NHSL2: variants seen among roughly 807,000 people sequenced by gnomAD.
NHSL2 encodes NHS-like protein 2.
Under a neutral mutation model 53.4 loss-of-function variants are expected in NHSL2, and 27 were observed. The ratio of observed to expected loss-of-function variants is 0.51; its 90% CI spans 0.37 to 0.70. The LOEUF is 0.70. NHSL2 is among the 30% of genes least tolerant of loss of function. The probability of loss-of-function intolerance (pLI) is 0.00; values close to 1 mark genes in which losing one functional copy is unlikely to be tolerated. For synonymous variants in NHSL2, 408 were observed against 404.1 expected (o/e 1.01, Z -0.12); for missense variants, 892 against 980.1 (o/e 0.91, Z 1.20).
intron 1 of NHSL2, among the ~76,000 whole-genome samples, chrX:71,979,059 G>A (rs1358239863): frequency 9.1e-6 from 1 of 109,724 alleles, no homozygotes; most frequent in African/African-American, 3.3e-5. Context: ...ATGGTTTCCA[G>A]CTTCATCCAT....
intron 1 of NHSL2, among the ~76,000 whole-genome samples, chrX:72,091,224 C>T (rs2041894597): frequency 1.8e-5 from 2 of 112,003 alleles, no homozygotes; most frequent in Admixed American, 9.4e-5. Flanking sequence ...GAGGCCGAGA[C>T]GGGTGGATCA....
intron 1 of NHSL2, among the ~76,000 whole-genome samples, chrX:71,921,434 A>AG (rs1391326236): frequency 9.1e-5 from 10 of 109,770 alleles, no homozygotes; most frequent in African/African-American, 2.0e-4. Context: ...AAAAAAAAAA[A>AG]AGAGAGAGAG....
At chrX:72,004,657 G>A in intron 1 of NHSL2, among the ~76,000 whole-genome samples, 1 of 110,029 alleles carries the variant, frequency 9.1e-6, no homozygotes. Context: ...ATTCACACCA[G>A]AACCACCCCC....
chrX:71,947,065 C>T (rs780874543), intron 1 of NHSL2, among the ~76,000 whole-genome samples: 3 of 112,288 alleles, frequency 2.7e-5, no homozygotes, highest in South Asian at 3.7e-4. Context: ...CCTCCATCCT[C>T]AGCTGCGCAC....
chrX:71,949,749 C>T (rs1438380582), intron 1 of NHSL2, among the ~76,000 whole-genome samples: 1 of 112,980 alleles, frequency 8.9e-6, no homozygotes, highest in Admixed American at 9.3e-5. Context: ...AGGAATCACT[C>T]AGCTCTGTGT....
chrX:71,999,272 T>C (rs758666976), intron 1 of NHSL2, among the ~76,000 whole-genome samples: 3 of 112,542 alleles, frequency 2.7e-5, no homozygotes, highest in East Asian at 5.6e-4. Context: ...GCAAGGACTG[T>C]GTTTTGGTCA....
At chrX:72,027,868 T>G (rs1207106653) in intron 1 of NHSL2, among the ~76,000 whole-genome samples, 1 of 110,272 alleles carries the variant, frequency 9.1e-6, no homozygotes, top group Middle Eastern at 4.2e-3. Flanking sequence ...GGTTTTGTAT[T>G]AAGGGTCAGA....
chrX:71,964,878 T>C (rs760662143), intron 1 of NHSL2, among the ~76,000 whole-genome samples: 1 of 112,254 alleles, frequency 8.9e-6, no homozygotes, highest in East Asian at 2.8e-4. Flanking sequence ...TATTAACTAT[T>C]TTTTTTCATG....
In NHSL2 at chrX:72,143,583, C is replaced by T; in HGVS notation, c.*9C>T. 1.8e-6 allele frequency: 2 copies of T among 1,097,351 alleles called. No homozygotes were observed. The highest frequency in any genetic ancestry group is 2.4e-6 in the Non-Finnish European group (2 of 821,780). 90.4% of individuals were successfully genotyped at this position (1,097,351 alleles called of 1,213,427 possible). On this transcript the variant is annotated 3_prime_UTR_variant, in exon 8 of 8. Coordinates refer to ENST00000633930, the MANE Select transcript of NHSL2 (RefSeq NM_001013627.3). ...ATAACCCCAGTACCTAAGCCCTGGG[C>T]TCAACAAGCAGGGTTTACTTACTAA...
chrX:71,986,496 G>C (rs2042003449), intron 1 of NHSL2, among the ~76,000 whole-genome samples: 1 of 111,563 alleles, frequency 9.0e-6, no homozygotes, highest in Non-Finnish European at 1.9e-5. Context: ...CTTTTTCCCT[G>C]CCATTTATCC....
chrX:71,911,200 G>A lies in NHSL2; in HGVS notation c.113G>A (p.Arg38Gln). ...VSHLAALSLL[R>Q]QLADLCGHSL... Reference sequence around the variant, plus strand: ...CACCTGGCAGCGCTCAGCCTGCTCCGGCAGCTCGCCGACCTCTGTGGCCAC... The same window carrying A: ...CACCTGGCAGCGCTCAGCCTGCTCCAGCAGCTCGCCGACCTCTGTGGCCAC... The change falls in exon 1 of 8, where the codon CGG becomes CAG. Residue 38 changes from arginine to glutamine, a missense_variant. Transcript: ENST00000633930. The A allele has an allele frequency of 2.6e-6, 3 of 1,146,119 alleles. No individual in the cohort carries two copies. Among genetic ancestry groups the A allele is most frequent in the Non-Finnish European group, 3.5e-6 (3 of 868,103 alleles). 94.5% of individuals were successfully genotyped at this position (1,146,119 alleles called of 1,213,427 possible).
chrX:71,947,295 C>T (rs1161361187), intron 1 of NHSL2, among the ~76,000 whole-genome samples: 3 of 112,087 alleles, frequency 2.7e-5, no homozygotes, highest in African/African-American at 9.7e-5. Context: ...ACTCTTGGCT[C>T]CTCCTAGAAA....
intron 1 of NHSL2, among the ~76,000 whole-genome samples, chrX:71,960,824 G>A (rs1032746416): frequency 1.8e-5 from 2 of 112,252 alleles, no homozygotes; most frequent in Non-Finnish European, 3.8e-5. Context: ...TCTTCCAACT[G>A]TGCTCTTCTT....
intron 1 of NHSL2, chrX:72,129,221 A>T (rs934718589): frequency 3.5e-5 from 4 of 113,308 alleles, no homozygotes; most frequent in South Asian, 7.1e-4. Flanking sequence ...GGCTTTGCAC[A>T]CTCTCACTGG....
chrX:71,926,942 A>G (rs1326019487), intron 1 of NHSL2, among the ~76,000 whole-genome samples: 1 of 111,202 alleles, frequency 9.0e-6, no homozygotes, highest in Non-Finnish European at 1.9e-5. Context: ...CTCCCTTTGT[A>G]AAATGAGAGA....
intron 1 of NHSL2, among the ~76,000 whole-genome samples, chrX:72,069,916 G>T (rs1339226499): frequency 8.9e-6 from 1 of 111,906 alleles, no homozygotes; most frequent in Non-Finnish European, 1.9e-5. Context: ...CCCTGCTCCT[G>T]TGACAGGCTG....
At chrX:72,141,525 A>G (rs1001920628) in intron 6 of NHSL2, among the ~76,000 whole-genome samples, 34 of 111,874 alleles carry the variant, frequency 3.0e-4, no homozygotes, top group Non-Finnish European at 3.9e-4. Flanking sequence ...CTCTGTACCC[A>G]GTAAACAACA....
rs373883242 is a variant in NHSL2, at chrX:72,151,183, AT to A, written c.*7623del. 0.023 allele frequency: 2,287 copies of A among 99,474 alleles called. 65 individuals carry two copies. The highest frequency in any genetic ancestry group is 0.069 in the African/African-American group (1,898 of 27,372). The allele number at this position is 99,474 out of a possible 1,213,427, so 8.2% of individuals were successfully genotyped here. A position where few individuals can be genotyped will look rare whatever the true frequency, so the allele number is the denominator to read the frequency against. On this transcript the variant is annotated 3_prime_UTR_variant, in exon 8 of 8. Coordinates refer to ENST00000633930, the MANE Select transcript of NHSL2 (RefSeq NM_001013627.3). ...GTGCGTGCCACCATGCCCAGCTAAT[AT>A]TTTTTTTTTTTTTGTATTTTTAGTA... is the stretch of plus-strand genomic sequence containing the variant.
intron 1 of NHSL2, among the ~76,000 whole-genome samples, chrX:72,107,455 TTC>T (rs1310426333): frequency 8.9e-6 from 1 of 111,836 alleles, no homozygotes; most frequent in Non-Finnish European, 1.9e-5. Flanking sequence ...TTTAGCCTGC[TTC>T]TCTCTTTGGT....
Sources: allele counts gnomAD v4.1 joint callset (sites outside exome capture counted in the v4.1 genomes callset), GRCh38; gene constraint gnomAD v4.1.1; transcripts MANE v1.5; gene names NCBI Gene and HGNC (gene_info 2026-07-23, HGNC 2026-07-21).